The following EFHB variants were observed in gnomAD, a reference collection of about 807,000 sequenced individuals.
EFHB encodes the protein EF-hand domain-containing family member B.
EFHB carries 91 observed loss-of-function variants against 87.2 expected under a neutral mutation model. The observed-to-expected ratio is 1.04, with a 90% CI of 0.88 to 1.24. EFHB has a LOEUF of 1.24. Ranked by LOEUF, EFHB falls within the 50% of genes most tolerant of loss-of-function variation. EFHB has a pLI of 0.00. For synonymous variants in EFHB, 325 were observed against 333.6 expected, an observed-to-expected ratio of 0.97 and a Z score of 0.28; for missense variants, 1,084 against 998.8, an observed-to-expected ratio of 1.09 and a Z score of -1.15.
At chr3:19,928,490 C>T (rs59572420) in intron 1 of EFHB, among the ~76,000 whole-genome samples, 30,791 of 152,080 alleles carry the variant, frequency 0.2, 3,403 homozygotes, top group Non-Finnish European at 0.25. Flanking sequence ...CTCGCTCTGT[C>T]GCCCAGGACA....
intron 7 of EFHB, 97 bp downstream of exon 7, chr3:19,899,335 T>C (rs1038384325): frequency 4.0e-6 from 3 of 745,374 alleles, no homozygotes; most frequent in Non-Finnish European, 4.1e-6. Flanking sequence ...TCTTATTTAA[T>C]AGATAGAATC....
chr3:19,928,139 G>A (rs1397214321), intron 1 of EFHB, among the ~76,000 whole-genome samples: 2 of 151,742 alleles, frequency 1.3e-5, no homozygotes, highest in Non-Finnish European at 2.9e-5. Context: ...AAAAATCCTA[G>A]TGAAACACTG....
chr3:19,896,884 T>C (rs1694506184), intron 8 of EFHB, 43 bp from the exon 9 acceptor site: 1 of 1,488,828 alleles, frequency 6.7e-7, no homozygotes, highest in Admixed American at 2.4e-5. Flanking sequence ...TTTAAAGTCT[T>C]TCTATATTAT....
At chr3:19,943,443 G>A (rs1165729927) in intron 1 of EFHB, 1 of 153,152 alleles carries the variant, frequency 6.5e-6, no homozygotes, top group African/African-American at 2.4e-5. Flanking sequence ...CCAGGTAAGG[G>A]CTCATTCAAT....
upstream of EFHB, among the ~76,000 whole-genome samples, chr3:19,939,213 T>G (rs1287988294): frequency 6.6e-6 from 1 of 151,970 alleles, no homozygotes; most frequent in Non-Finnish European, 1.5e-5. Flanking sequence ...GCCTACTTTA[T>G]GACTTTCTGC....
At chr3:19,884,347 G>A (rs2071758178) in intron 11 of EFHB, 56 bp downstream of exon 11, 1 of 1,497,966 alleles carries the variant, frequency 6.7e-7, no homozygotes, top group Admixed American at 1.9e-5. Context: ...ACAATGCAAG[G>A]ACAGACAGAG....
At chr3:19,921,577 TGA>T (rs1695437892) in intron 1 of EFHB, among the ~76,000 whole-genome samples, 2 of 151,810 alleles carry the variant, frequency 1.3e-5, no homozygotes, top group South Asian at 4.2e-4. Flanking sequence ...AGCAACAGGG[TGA>T]GAGGCTGGGG....
intron 3 of EFHB, 86 bp from the exon 4 acceptor site, chr3:19,918,498 G>A: frequency 4.1e-6 from 5 of 1,230,672 alleles, no homozygotes; most frequent in Non-Finnish European, 5.5e-6. Context: ...CTGGGGAGAG[G>A]AGACTGTACG....
intron 5 of EFHB, among the ~76,000 whole-genome samples, chr3:19,910,843 G>A (rs1205015714): frequency 6.6e-6 from 1 of 152,224 alleles, no homozygotes; most frequent in Admixed American, 6.5e-5. Flanking sequence ...TCTTGTCCAA[G>A]TCCATCAAGG....
chr3:19,896,699 C>T lies in EFHB; in HGVS notation c.1713G>A (p.Arg571=), dbSNP rs772840950. ...CCCCATTACTGGCCTTGTCATAGTG[C>T]CTGAAGGCTGCCAGCAAAGTGTCAA... ...QKFDTLLAAF[R]HYDKKGDGMI... is the part of the protein sequence containing the mutation. Residue 571 remains arginine (R), a synonymous_variant, in exon 9 of 13, where the codon AGG becomes AGA. Coordinates refer to ENST00000295824, the MANE Select transcript of EFHB (RefSeq NM_144715.4). 6.2e-7 allele frequency: 1 copy of T among 1,613,998 alleles called. No homozygotes were observed. The highest frequency in any genetic ancestry group is 1.1e-5 in the South Asian group (1 of 91,086).
chr3:19,929,487 C>T (rs979848067), intron 1 of EFHB, among the ~76,000 whole-genome samples: 27 of 151,796 alleles, frequency 1.8e-4, no homozygotes, highest in African/African-American at 5.3e-4. Flanking sequence ...GGGTGTATCA[C>T]GAGGTCAGGA....
chr3:19,889,143 G>A (rs1049048973), intron 9 of EFHB, among the ~76,000 whole-genome samples: 1 of 152,154 alleles, frequency 6.6e-6, no homozygotes, highest in Non-Finnish European at 1.5e-5. Context: ...GGAGGAGGGT[G>A]GAGGGAAAAA....
intron 6 of EFHB, among the ~76,000 whole-genome samples, chr3:19,900,482 T>A (rs1358540699): frequency 6.6e-6 from 1 of 151,996 alleles, no homozygotes; most frequent in Non-Finnish European, 1.5e-5. Context: ...GGCAAAAAAA[T>A]ATGGTAAAAC....
At chr3:19,914,039 G>A (rs565594124) in intron 5 of EFHB, among the ~76,000 whole-genome samples, 1 of 152,268 alleles carries the variant, frequency 6.6e-6, no homozygotes, top group South Asian at 2.1e-4. Context: ...GAACTACTGG[G>A]CTCAAACAAT....
chr3:19,933,535 C>A lies in EFHB; in HGVS notation c.484G>T (p.Ala162Ser). The A allele has an allele frequency of 6.2e-7, 1 of 1,613,996 alleles. No homozygotes were observed. Among genetic ancestry groups the A allele is most frequent in the Non-Finnish European group, 8.5e-7 (1 of 1,179,890 alleles). Residue 162 changes from alanine (A) to serine (S), a missense_variant, in exon 1 of 13, where the codon GCT becomes TCT. Transcript: ENST00000295824. The part of the protein sequence containing the change: ...EGVEELVGKP[A>S]FVMEPRQEME... ...TCCTGTCTTGGTTCCATAACGAAAG[C>A]AGGCTTTCCCACTAATTCCTCTACC...
At chr3:19,936,120 G>C, upstream of EFHB, 1 of 1,477,342 alleles carries the variant, frequency 6.8e-7, no homozygotes, top group Middle Eastern at 1.7e-4. Context: ...AGTGTGTAGG[G>C]GTCTGGACAT....
intron 5 of EFHB, among the ~76,000 whole-genome samples, chr3:19,910,595 C>T (rs1028521814): frequency 5.9e-5 from 9 of 152,168 alleles, no homozygotes; most frequent in African/African-American, 2.2e-4. Flanking sequence ...GCCCCAGGAC[C>T]TTGAGTGAAC....
intron 1 of EFHB, among the ~76,000 whole-genome samples, chr3:19,921,320 ACTGT>A (rs1695428889): frequency 2.0e-5 from 3 of 152,064 alleles, no homozygotes; most frequent in Non-Finnish European, 4.4e-5. Context: ...GGTTTAAGAG[ACTGT>A]CTTGCTGACA....
chr3:19,900,518 C>T (rs570243212), intron 6 of EFHB, among the ~76,000 whole-genome samples: 14 of 152,206 alleles, frequency 9.2e-5, no homozygotes, highest in African/African-American at 3.1e-4. Context: ...GTGCAAATTC[C>T]TACAGTTCTT....
Sources: allele counts gnomAD v4.1 joint callset (sites outside exome capture counted in the v4.1 genomes callset), GRCh38; gene constraint gnomAD v4.1.1; transcripts MANE v1.5; gene names NCBI Gene and HGNC (gene_info 2026-07-23, HGNC 2026-07-21).